Variants in MYO9A observed in about 807,000 individuals in gnomAD.
MYO9A encodes myosin IXA, also known as unconventional myosin-IXa.
In MYO9A, 103 loss-of-function variants were observed where a neutral mutation model predicts 293.3. That is an observed-to-expected ratio of 0.35 (90% CI 0.30 to 0.41). MYO9A has a LOEUF of 0.41. MYO9A is among the 10% of genes least tolerant of loss of function. The pLI is 1.00. For missense variants in MYO9A, 2,685 were observed against 3,033.0 expected (o/e 0.89, Z 2.69); for synonymous variants, 1,001 against 1,035.7 (o/e 0.97, Z 0.64).
At chr15:71,853,408 G>A (rs117734591) in intron 35 of MYO9A, among the ~76,000 whole-genome samples, 288 of 152,296 alleles carry the variant, frequency 1.9e-3, no homozygotes, top group Non-Finnish European at 9.1e-4. Context: ...AGATGACTGG[G>A]GAAGATTCAG....
chr15:71,900,522 G>C (rs1454525142), intron 23 of MYO9A, among the ~76,000 whole-genome samples: 2 of 152,134 alleles, frequency 1.3e-5, no homozygotes, highest in African/African-American at 4.8e-5. Context: ...TTCTCTTCCA[G>C]ATATGTTTGG....
chr15:71,862,758 A>G (rs2056188368), intron 32 of MYO9A, 147 bp from the exon 33 acceptor site: 1 of 557,468 alleles, frequency 1.8e-6, no homozygotes, highest in East Asian at 3.0e-5. Flanking sequence ...AATAACATAA[A>G]ATAAAATATA....
intron 18 of MYO9A, among the ~76,000 whole-genome samples, chr15:71,925,334 T>A (rs534190571): frequency 6.6e-6 from 1 of 150,504 alleles, no homozygotes; most frequent in South Asian, 2.1e-4. Context: ...CATATATACG[T>A]ATATGTACAT....
In MYO9A at chr15:71,850,241, G is replaced by A. The variant is rs1490207598; in HGVS notation, c.6582-74C>T. ...GAGCACCATAGGGAAATAGGCAGAA[G>A]AGATGAGCAAAAGAAGACAGTATGA... is the stretch of plus-strand genomic sequence containing the variant. On this transcript the variant is annotated intron_variant, in intron 37 of 41. Coordinates refer to ENST00000356056, the MANE Select transcript of MYO9A (RefSeq NM_006901.4). 7 of 1,537,982 alleles carry A rather than the reference G, an allele frequency of 4.6e-6. No homozygotes were observed. The East Asian group carries it at 9.1e-5, about 20-fold the overall frequency.
At chr15:72,087,127 A>T (rs2079763195) in intron 1 of MYO9A, among the ~76,000 whole-genome samples, 1 of 152,126 alleles carries the variant, frequency 6.6e-6, no homozygotes. Context: ...CCAGCCCAGG[A>T]GCTATGATGC....
At chr15:71,863,030 A>G (rs920306888) in intron 32 of MYO9A, among the ~76,000 whole-genome samples, 1 of 151,058 alleles carries the variant, frequency 6.6e-6, no homozygotes, top group African/African-American at 2.4e-5. Context: ...GGTTCAGGCA[A>G]TTCTCCTGCT....
intron 1 of MYO9A, among the ~76,000 whole-genome samples, chr15:72,051,409 G>A (rs558587739): frequency 5.3e-4 from 81 of 152,252 alleles, no homozygotes; most frequent in Non-Finnish European, 1.1e-3. Flanking sequence ...CTGCCCAGGT[G>A]GGCTGCAGAC....
At chr15:71,937,849 G>T (rs1013562724) in intron 16 of MYO9A, among the ~76,000 whole-genome samples, 4 of 152,072 alleles carry the variant, frequency 2.6e-5, no homozygotes, top group Admixed American at 2.0e-4. Flanking sequence ...TGAGAATACT[G>T]CCAACAGATG....
intron 1 of MYO9A, 34 bp downstream of exon 1, chr15:72,117,646 C>T: frequency 7.6e-6 from 3 of 395,636 alleles, no homozygotes; most frequent in East Asian, 3.6e-5. Flanking sequence ...CCAGGACGGG[C>T]TGCAGGGCCG....
At chr15:71,985,486 G>A (rs1385432949) in intron 11 of MYO9A, among the ~76,000 whole-genome samples, 1 of 152,106 alleles carries the variant, frequency 6.6e-6, no homozygotes, top group Non-Finnish European at 1.5e-5. Context: ...CTGATGCCAG[G>A]TTTACTTCTG....
At chr15:71,920,977 A>C (rs2058141951) in intron 18 of MYO9A, among the ~76,000 whole-genome samples, 1 of 152,174 alleles carries the variant, frequency 6.6e-6, no homozygotes, top group Non-Finnish European at 1.5e-5. Flanking sequence ...AGCCCAAGTG[A>C]CTATAAAAAC....
chr15:71,984,130 A>G (rs928823238), intron 11 of MYO9A, among the ~76,000 whole-genome samples: 1 of 152,236 alleles, frequency 6.6e-6, no homozygotes, highest in Non-Finnish European at 1.5e-5. Flanking sequence ...TATGTGGTAC[A>G]TGAGATATTC....
intron 8 of MYO9A, among the ~76,000 whole-genome samples, chr15:72,005,098 G>C (rs1008526570): frequency 2.6e-5 from 4 of 152,100 alleles, no homozygotes; most frequent in African/African-American, 9.7e-5. Flanking sequence ...CTAAAGATGG[G>C]ATAGGTATCT....
intron 40 of MYO9A, among the ~76,000 whole-genome samples, chr15:71,829,484 G>C (rs1433391093): frequency 1.3e-5 from 2 of 151,450 alleles, no homozygotes; most frequent in African/African-American, 2.4e-5. Flanking sequence ...CCCAATCCCT[G>C]CAACAGTGAT....
chr15:71,867,809 C>T (rs979786936), intron 32 of MYO9A, among the ~76,000 whole-genome samples: 5 of 114,832 alleles, frequency 4.4e-5, no homozygotes, highest in African/African-American at 6.2e-5. Context: ...CACACACACA[C>T]ACACACACAC....
chr15:71,941,415 A>G (rs1286911167), intron 15 of MYO9A, among the ~76,000 whole-genome samples: 1 of 152,242 alleles, frequency 6.6e-6, no homozygotes, highest in East Asian at 1.9e-4. Flanking sequence ...AGCCTGGATG[A>G]CAGGGCAAGA....
intron 1 of MYO9A, among the ~76,000 whole-genome samples, chr15:72,068,210 C>CTA (rs1433163942): frequency 1.3e-5 from 2 of 152,104 alleles, no homozygotes; most frequent in African/African-American, 4.8e-5. Context: ...AGTAAACATG[C>CTA]ATCTAGTGAG....
At chr15:72,050,359 A>T (rs2078520464) in intron 1 of MYO9A, among the ~76,000 whole-genome samples, 1 of 152,110 alleles carries the variant, frequency 6.6e-6, no homozygotes, top group South Asian at 2.1e-4. Flanking sequence ...CTGTAATCCC[A>T]GCACTTTGGG....
intron 6 of MYO9A, 121 bp downstream of exon 6, chr15:72,018,918 C>CT: frequency 1.3e-6 from 1 of 746,022 alleles, no homozygotes; most frequent in Non-Finnish European, 2.3e-6. Flanking sequence ...ATTGATTTAT[C>CT]TTCCTTCCTA....
Sources: allele counts gnomAD v4.1 joint callset (sites outside exome capture counted in the v4.1 genomes callset), GRCh38; gene constraint gnomAD v4.1.1; transcripts MANE v1.5; gene names NCBI Gene and HGNC (gene_info 2026-07-23, HGNC 2026-07-21).